The following GRIK2 variants were observed in gnomAD, a reference collection of about 807,000 sequenced individuals.
GRIK2 encodes the protein glutamate receptor ionotropic, kainate 2.
Under a neutral mutation model 100.3 loss-of-function variants are expected in GRIK2, and 32 were observed. The ratio of observed to expected loss-of-function variants is 0.32; its 90% CI spans 0.24 to 0.43. The LOEUF is 0.43. Ranked by LOEUF, GRIK2 falls within the 20% of genes least tolerant of loss-of-function variation. The pLI is 1.00. For synonymous variants in GRIK2, 417 were observed against 389.4 expected, an observed-to-expected ratio of 1.07 and a Z score of -0.83; for missense variants, 843 against 1,114.9, an observed-to-expected ratio of 0.76 and a Z score of 3.47.
intron 2 of GRIK2, among the ~76,000 whole-genome samples, chr6:101,542,243 GAAA>G (rs1176426011): frequency 6.7e-6 from 1 of 148,678 alleles, no homozygotes; most frequent in African/African-American, 2.5e-5. Context: ...TAAATTCAAA[GAAA>G]AAAAAAGAAC....
At chr6:101,844,102 A>C (rs1055902797) in intron 10 of GRIK2, among the ~76,000 whole-genome samples, 7 of 152,212 alleles carry the variant, frequency 4.6e-5, no homozygotes, top group Non-Finnish European at 1.0e-4. Flanking sequence ...AATCAAGAAA[A>C]AAAGAAAGTA....
chr6:101,868,124 C>G (rs557260450), intron 11 of GRIK2, among the ~76,000 whole-genome samples: 60 of 149,464 alleles, frequency 4.0e-4, no homozygotes, highest in African/African-American at 1.4e-3. Context: ...ATAATTTTGC[C>G]CCTACAAACT....
intron 2 of GRIK2, among the ~76,000 whole-genome samples, chr6:101,602,296 T>C (rs1779253730): frequency 6.6e-6 from 1 of 151,514 alleles, no homozygotes; most frequent in African/African-American, 2.4e-5. Flanking sequence ...AGAGTATGGT[T>C]GGCATAATTC....
chr6:101,727,063 AT>A (rs1214470407), intron 7 of GRIK2, among the ~76,000 whole-genome samples: 9 of 152,032 alleles, frequency 5.9e-5, no homozygotes, highest in Non-Finnish European at 8.8e-5. Flanking sequence ...TATGTCTCAG[AT>A]TAAATATTAT....
At chr6:101,960,421 T>C (rs1444190680) in intron 14 of GRIK2, among the ~76,000 whole-genome samples, 2 of 152,136 alleles carry the variant, frequency 1.3e-5, no homozygotes, top group African/African-American at 4.8e-5. Context: ...CATGGTGCCA[T>C]AGTTTTTATG....
intron 2 of GRIK2, among the ~76,000 whole-genome samples, chr6:101,472,744 T>C (rs189299651): frequency 6.6e-6 from 1 of 151,978 alleles, no homozygotes; most frequent in East Asian, 1.9e-4. Context: ...TTTAAAATCA[T>C]TATGCAGTTT....
At chr6:101,568,868 C>T (rs1385701007) in intron 2 of GRIK2, among the ~76,000 whole-genome samples, 2 of 152,042 alleles carry the variant, frequency 1.3e-5, no homozygotes, top group Non-Finnish European at 2.9e-5. Context: ...AATAGTGCAG[C>T]ATGCAACTAC....
At chr6:101,977,978 T>C (rs1162797595) in intron 14 of GRIK2, among the ~76,000 whole-genome samples, 3 of 151,998 alleles carry the variant, frequency 2.0e-5, no homozygotes, top group African/African-American at 7.2e-5. Flanking sequence ...GCAATCCATA[T>C]GCTTACTTGT....
intron 16 of GRIK2, among the ~76,000 whole-genome samples, chr6:102,056,158 C>T (rs185460562): frequency 1.1e-4 from 16 of 151,884 alleles, no homozygotes; most frequent in African/African-American, 3.9e-4. Flanking sequence ...TAATAGTATT[C>T]TTAATCAGTT....
intron 5 of GRIK2, among the ~76,000 whole-genome samples, chr6:101,677,081 T>C (rs1770896796): frequency 6.6e-6 from 1 of 152,124 alleles, no homozygotes; most frequent in South Asian, 2.1e-4. Flanking sequence ...AATGAGATAG[T>C]TATTTCTTTT....
chr6:101,985,662 A>G (rs1352192486), intron 14 of GRIK2, among the ~76,000 whole-genome samples: 1 of 151,846 alleles, frequency 6.6e-6, no homozygotes, highest in Admixed American at 6.6e-5. Context: ...AGAGGTCAAA[A>G]GATAATCACT....
intron 7 of GRIK2, among the ~76,000 whole-genome samples, chr6:101,700,022 C>T (rs62419260): frequency 0.016 from 2,477 of 152,000 alleles, 27 homozygotes; most frequent in Non-Finnish European, 0.023. Flanking sequence ...TAGTTTCACA[C>T]GCATGTAGTC....
intron 5 of GRIK2, among the ~76,000 whole-genome samples, chr6:101,680,985 A>T (rs1486159040): frequency 6.6e-6 from 1 of 152,168 alleles, no homozygotes; most frequent in Non-Finnish European, 1.5e-5. Context: ...TCCCTTTTTA[A>T]ATATATTTGA....
rs376475911 is a variant in GRIK2, at chr6:101,992,867, C to T, written c.2086-42474C>T. 3.2e-4 allele frequency among the ~76,000 whole-genome samples: 48 copies of T among 151,512 alleles called. 1 individual carries two copies. The highest frequency in any genetic ancestry group is 1.1e-3 in the African/African-American group (45 of 41,460). On this transcript the variant is annotated intron_variant, in intron 14 of 16. Coordinates refer to ENST00000369134, the MANE Select transcript of GRIK2 (RefSeq NM_021956.5). ...TACTTTGGAAGATTAAAGTAGCTTC[C>T]TTAAAAAGGAGATTTTAAATGTGTG...
chr6:101,895,054 T>A (rs1409468656), intron 12 of GRIK2, among the ~76,000 whole-genome samples: 1 of 151,762 alleles, frequency 6.6e-6, no homozygotes, highest in African/African-American at 2.4e-5. Context: ...TACCAAATTT[T>A]GCAATATGAG....
chr6:102,015,774 C>A (rs552130649), intron 14 of GRIK2, among the ~76,000 whole-genome samples: 1 of 152,280 alleles, frequency 6.6e-6, no homozygotes, highest in East Asian at 1.9e-4. Flanking sequence ...GGTCCAGGAG[C>A]ACTTCACCGC....
intron 2 of GRIK2, among the ~76,000 whole-genome samples, chr6:101,513,373 G>T (rs1477367518): frequency 1.3e-5 from 2 of 152,080 alleles, no homozygotes; most frequent in East Asian, 3.9e-4. Flanking sequence ...GTCTTATAGT[G>T]GCTGTCCTTA....
chr6:101,674,437 C>T (rs1286449988), intron 4 of GRIK2, among the ~76,000 whole-genome samples: 1 of 152,156 alleles, frequency 6.6e-6, no homozygotes, highest in Non-Finnish European at 1.5e-5. Context: ...AAAATGTACT[C>T]TAATTTAGTA....
chr6:101,544,031 A>T (rs771649754), intron 2 of GRIK2, among the ~76,000 whole-genome samples: 2 of 152,094 alleles, frequency 1.3e-5, no homozygotes, highest in Non-Finnish European at 2.9e-5. Context: ...ACAGGGCTGT[A>T]ATTACTTAAA....
Sources: allele counts gnomAD v4.1 joint callset (sites outside exome capture counted in the v4.1 genomes callset), GRCh38; gene constraint gnomAD v4.1.1; transcripts MANE v1.5; gene names NCBI Gene and HGNC (gene_info 2026-07-23, HGNC 2026-07-21).